Variants in ERCC6L2 observed in about 807,000 individuals in gnomAD.
The protein encoded by ERCC6L2 is DNA excision repair protein ERCC-6-like 2.
Under a neutral mutation model 132.0 loss-of-function variants are expected in ERCC6L2, and 77 were observed. The ratio of observed to expected loss-of-function variants is 0.58; its 90% CI spans 0.49 to 0.71. The LOEUF is 0.71. Ranked by LOEUF, ERCC6L2 falls within the 30% of genes least tolerant of loss-of-function variation. ERCC6L2 has a pLI of 0.00. For synonymous variants in ERCC6L2, 583 were observed against 632.4 expected (o/e 0.92, Z 1.17); for missense variants, 1,542 against 1,837.6 (o/e 0.84, Z 2.94).
Position 96,036,778 on chromosome 9 carries a change from T to A in ERCC6L2, c.*1504-2098T>A, listed in dbSNP as rs542095895. Among the ~76,000 whole-genome samples, 4 of 147,270 alleles carry A rather than the reference T, an allele frequency of 2.7e-5. No homozygotes were observed. The East Asian group carries it at 5.9e-4, about 22-fold the overall frequency. On this transcript the variant is annotated intron_variant and NMD_transcript_variant, in intron 19 of 20. Transcript: ENST00000670016. ...TATTATTATTATTTTTATTTATTTT[T>A]TTTTTTGAGACGGAGTCTCACTCTG...
chr9:95,887,200 G>C (rs79171770), intron 2 of ERCC6L2, among the ~76,000 whole-genome samples: 2,142 of 152,066 alleles, frequency 0.014, 48 homozygotes, highest in African/African-American at 0.049. Context: ...AGTGGGTTGG[G>C]GGGGAGAAAC....
chr9:95,950,009 C>A (rs879755498), intron 12 of ERCC6L2, among the ~76,000 whole-genome samples: 3 of 144,482 alleles, frequency 2.1e-5, no homozygotes, highest in Non-Finnish European at 3.0e-5. Flanking sequence ...GGTGAGACTC[C>A]GTCTCAAAAA....
chr9:96,039,669 C>T (rs1253862652), intron 20 of ERCC6L2, among the ~76,000 whole-genome samples: 1 of 151,980 alleles, frequency 6.6e-6, no homozygotes, highest in African/African-American at 2.4e-5. Flanking sequence ...GTGGCTTGAC[C>T]CTGCAGGGAG....
intron 11 of ERCC6L2, among the ~76,000 whole-genome samples, chr9:95,930,949 T>C (rs1473048381): frequency 6.6e-6 from 1 of 152,218 alleles, no homozygotes; most frequent in African/African-American, 2.4e-5. Context: ...CAATAAGCCC[T>C]GTACCAGTAA....
At chr9:95,935,711 T>C (rs897240602) in intron 11 of ERCC6L2, among the ~76,000 whole-genome samples, 2 of 152,170 alleles carry the variant, frequency 1.3e-5, no homozygotes, top group African/African-American at 4.8e-5. Context: ...GGTATAGTTA[T>C]CAAGAATGAC....
intron 17 of ERCC6L2, among the ~76,000 whole-genome samples, chr9:95,995,512 A>G (rs73656593): frequency 0.031 from 4,689 of 152,292 alleles, 253 homozygotes; most frequent in African/African-American, 0.11. Flanking sequence ...TCCCTACAAA[A>G]GTACCTTCTT....
intron 3 of ERCC6L2, among the ~76,000 whole-genome samples, chr9:95,899,351 T>C (rs1369972366): frequency 6.6e-6 from 1 of 151,876 alleles, no homozygotes; most frequent in Non-Finnish European, 1.5e-5. Context: ...CTTCGGAGGC[T>C]GAAGTGGGAG....
intron 4 of ERCC6L2, among the ~76,000 whole-genome samples, chr9:95,907,856 C>CACACACACACA: frequency 6.9e-6 from 1 of 145,926 alleles, no homozygotes; most frequent in South Asian, 2.2e-4. Flanking sequence ...CACACACACA[C>CACACACACACA]CCCCACACCC....
chr9:95,886,372 A>T (rs116930326), intron 2 of ERCC6L2, among the ~76,000 whole-genome samples: 1 of 152,136 alleles, frequency 6.6e-6, no homozygotes, highest in Non-Finnish European at 1.5e-5. Flanking sequence ...AAAAAAATAC[A>T]TTTAGAAATG....
chr9:96,000,642 A>G (rs1465518042), intron 17 of ERCC6L2, among the ~76,000 whole-genome samples: 1 of 152,154 alleles, frequency 6.6e-6, no homozygotes, highest in Admixed American at 6.5e-5. Context: ...TTGAACTTCT[A>G]TTAAAAAAAA....
intron 19 of ERCC6L2, among the ~76,000 whole-genome samples, chr9:96,024,359 T>C (rs559901493): frequency 7.2e-5 from 11 of 152,362 alleles, no homozygotes; most frequent in Admixed American, 2.0e-4. Context: ...CTTTAAAGTC[T>C]GGGTAATCAA....
chr9:95,955,854 A>T, intron 12 of ERCC6L2, 60 bp from the exon 13 acceptor site: 1 of 874,880 alleles, frequency 1.1e-6, no homozygotes, highest in African/African-American at 1.8e-5. Context: ...TCCCCAAGTT[A>T]CCTCTTCAAC....
At chr9:95,928,244 A>G (rs1830185275) in intron 10 of ERCC6L2, 94 bp downstream of exon 10, 3 of 758,950 alleles carry the variant, frequency 4.0e-6, no homozygotes, top group Admixed American at 2.5e-5. Flanking sequence ...TTACAGCCAC[A>G]TTTTCTCTTA....
At chr9:95,906,638 A>G (rs1451842286) in intron 3 of ERCC6L2, 1 of 456,760 alleles carries the variant, frequency 2.2e-6, no homozygotes, top group East Asian at 6.9e-5. Flanking sequence ...GGGAGCGGAA[A>G]TGGGCTAGGA....
chr9:96,037,514 G>C (rs1265317147), intron 19 of ERCC6L2, among the ~76,000 whole-genome samples: 2 of 152,228 alleles, frequency 1.3e-5, no homozygotes, highest in Non-Finnish European at 1.5e-5. Context: ...TCTGGGGGAA[G>C]ATAGAAGGCC....
intron 17 of ERCC6L2, among the ~76,000 whole-genome samples, chr9:95,983,359 C>G (rs76380146): frequency 6.6e-6 from 1 of 152,164 alleles, no homozygotes; most frequent in Non-Finnish European, 1.5e-5. Flanking sequence ...CAACTCTTCT[C>G]CCAGCTGGTC....
intron 8 of ERCC6L2, 149 bp downstream of exon 8, chr9:95,922,567 TGC>T (rs1233493653): frequency 5.2e-6 from 3 of 571,440 alleles, no homozygotes; most frequent in Non-Finnish European, 9.2e-6. Flanking sequence ...AAGGAGTATG[TGC>T]ACTTAAGTTT....
intron 2 of ERCC6L2, among the ~76,000 whole-genome samples, chr9:95,896,414 T>A (rs1023264121): frequency 1.3e-5 from 1 of 75,284 alleles, no homozygotes; most frequent in African/African-American, 4.0e-5. Flanking sequence ...TTTGATTTTT[T>A]TTTTTTGATT....
At chr9:95,984,764 C>A (rs1349012657) in intron 17 of ERCC6L2, among the ~76,000 whole-genome samples, 1 of 152,088 alleles carries the variant, frequency 6.6e-6, no homozygotes, top group Non-Finnish European at 1.5e-5. Context: ...GGGATAAAGT[C>A]AGGTTTTCAG....
Sources: gnomAD v4.1 joint callset for allele counts (sites outside exome capture counted in the v4.1 genomes callset) on GRCh38, gnomAD v4.1.1 for gene constraint, MANE v1.5 for transcripts, NCBI Gene and HGNC (gene_info 2026-07-23, HGNC 2026-07-21) for gene names.